EDDM13: variants seen among roughly 807,000 people sequenced by gnomAD.
EDDM13 encodes the protein epididymal protein 13.
Under a neutral mutation model 17.8 loss-of-function variants are expected in EDDM13, and 24 were observed. The observed-to-expected ratio is 1.35, with a 90% CI of 0.98 to 1.90. The LOEUF (loss-of-function observed/expected upper bound fraction) is 1.90, where lower values mean the gene tolerates loss of function less well. Among genes scored for constraint, EDDM13 ranks in the 40% most tolerant of loss-of-function variants. The pLI is 0.00. For missense variants in EDDM13, 97 were observed against 100.8 expected (o/e 0.96, Z 0.16); for synonymous variants, 31 against 37.5 (o/e 0.83, Z 0.63).
chr19:56,288,565 C>T (rs1053680690), intron 7 of EDDM13, among the ~76,000 whole-genome samples, 127 bp downstream of exon 7: 4 of 152,188 alleles, frequency 2.6e-5, no homozygotes, highest in African/African-American at 7.2e-5. Context: ...TCTGTGAGCT[C>T]CCTGAGCAGC....
chr19:56,287,680 T>C (rs1452899893), intron 6 of EDDM13, among the ~76,000 whole-genome samples: 2 of 151,926 alleles, frequency 1.3e-5, no homozygotes, highest in Non-Finnish European at 2.9e-5. Flanking sequence ...GAGGCAGATG[T>C]GGAGGAAGTC....
At chr19:56,302,742 A>G (rs1007955551) in intron 13 of EDDM13, 1 of 388,746 alleles carries the variant, frequency 2.6e-6, no homozygotes, top group Non-Finnish European at 4.5e-6. Flanking sequence ...GACTGGGATA[A>G]AACTTCTCCC....
In EDDM13 at chr19:56,278,770, T is replaced by A. The variant is rs76961772; in HGVS notation, c.103+2661T>A. Among the ~76,000 whole-genome samples, 1,423 of 152,228 alleles carry A rather than the reference T, an allele frequency of 9.3e-3. 58 individuals are homozygous for A. Among genetic ancestry groups the A allele is most frequent in the Admixed American group, 0.072 (1,101 of 15,294 alleles). On this transcript the variant is annotated intron_variant, in intron 2 of 14. Transcript: ENST00000649256. Reference sequence around the variant, plus strand: ...AGTCTGAGGCCAATGGCCTGGGAGCTCAGGGAGCTGTTGGTTCAAGTCCTA... The same window carrying A: ...AGTCTGAGGCCAATGGCCTGGGAGCACAGGGAGCTGTTGGTTCAAGTCCTA...
At chr19:56,282,405 T>C in intron 3 of EDDM13, 86 bp from the exon 4 acceptor site, 1 of 827,078 alleles carries the variant, frequency 1.2e-6, no homozygotes, top group Non-Finnish European at 1.5e-6. Context: ...TTAATTCCTT[T>C]CATATTCTCT....
intron 13 of EDDM13, among the ~76,000 whole-genome samples, chr19:56,303,856 C>A (rs2040504918): frequency 6.6e-6 from 1 of 152,132 alleles, no homozygotes. Context: ...AAGGATCTTG[C>A]CTTCAGAGCA....
At chr19:56,298,480 G>A (rs754503839) in intron 12 of EDDM13, among the ~76,000 whole-genome samples, 4 of 151,664 alleles carry the variant, frequency 2.6e-5, no homozygotes, top group South Asian at 2.1e-4. Context: ...GTGAAACCCC[G>A]TCTCTACTAA....
chr19:56,299,139 A>ATT (rs377736368), intron 12 of EDDM13, among the ~76,000 whole-genome samples: 1 of 149,960 alleles, frequency 6.7e-6, no homozygotes, highest in African/African-American at 2.4e-5. Flanking sequence ...AGCTTACATT[A>ATT]TTTTTTTTTT....
At chr19:56,277,264 T>C (rs2038334647) in intron 2 of EDDM13, among the ~76,000 whole-genome samples, 1 of 152,210 alleles carries the variant, frequency 6.6e-6, no homozygotes. Flanking sequence ...TCCTAAGAGC[T>C]AGCAAGTGAA....
At chr19:56,282,603 C>A in intron 4 of EDDM13, 104 bp downstream of exon 4, 1 of 644,712 alleles carries the variant, frequency 1.6e-6, no homozygotes, top group Non-Finnish European at 1.9e-6. Context: ...CTGGTCTGTT[C>A]ACAGCTTAGC....
In EDDM13 at chr19:56,288,456, C is replaced by T. The variant is rs2039286067; in HGVS notation, c.208+18C>T. ...CCCGCAAGGTTAGCAACCATCACCCCCTTATAGGTTCCCATGGAACCCAGC... is the reference window on the plus strand; with the variant it reads ...CCCGCAAGGTTAGCAACCATCACCCTCTTATAGGTTCCCATGGAACCCAGC... On this transcript the variant is annotated intron_variant, in intron 7 of 14. Transcript: ENST00000649256. Among the ~76,000 whole-genome samples, 1 of 152,206 alleles carries T rather than the reference C, an allele frequency of 6.6e-6. No individual in the cohort carries two copies. The highest frequency in any genetic ancestry group is 2.1e-4 in the South Asian group (1 of 4,832).
chr19:56,284,045 C>A, intron 4 of EDDM13, 153 bp from the exon 5 acceptor site: 1 of 296,350 alleles, frequency 3.4e-6, no homozygotes, highest in Non-Finnish European at 5.0e-6. Context: ...CTTGTGGATT[C>A]TACTTCCCAA....
chr19:56,274,930 G>A (rs766037009), intron 1 of EDDM13: 1 of 152,166 alleles, frequency 6.6e-6, no homozygotes, highest in Non-Finnish European at 1.5e-5. Context: ...GAAGAGCTCT[G>A]ATCAGTTGTT....
At chr19:56,273,592 A>C (rs1401393928) in intron 1 of EDDM13, among the ~76,000 whole-genome samples, 1 of 152,186 alleles carries the variant, frequency 6.6e-6, no homozygotes, top group African/African-American at 2.4e-5. Context: ...CTGAAGAGTT[A>C]GGAGAGACTA....
At chr19:56,279,621 A>T (rs2038532629) in intron 2 of EDDM13, among the ~76,000 whole-genome samples, 1 of 152,198 alleles carries the variant, frequency 6.6e-6, no homozygotes, top group Admixed American at 6.5e-5. Context: ...GACCATCATC[A>T]TGAGAATCAC....
At position 56,282,515 on chromosome 19, in the gene EDDM13, C is replaced by T. The variant is rs1410066637; in HGVS notation, c.118+16C>T. 2.0e-6 allele frequency: 2 copies of T among 985,134 alleles called. No homozygotes were observed. The highest frequency in any genetic ancestry group is 2.4e-6 in the Non-Finnish European group (2 of 829,860). The allele number at this position is 985,134 out of a possible 1,614,324, so 61.0% of individuals were successfully genotyped here. ...GTGCTGAAAGGTAAGCTTCTCATTC[C>T]ATCTCTTTCCCTTTGGGGTCTGTTT... On this transcript the variant is annotated intron_variant, in intron 4 of 14. Coordinates refer to ENST00000649256, the MANE Select transcript of EDDM13 (RefSeq NM_001354658.2).
chr19:56,276,504 C>CTT (rs767095656), intron 2 of EDDM13, among the ~76,000 whole-genome samples: 4 of 97,058 alleles, frequency 4.1e-5, no homozygotes, highest in South Asian at 3.5e-4. Flanking sequence ...ATCTAAAGAG[C>CTT]TCTTTTTTTT....
intron 11 of EDDM13, among the ~76,000 whole-genome samples, chr19:56,296,799 C>T (rs1395379431): frequency 6.6e-6 from 1 of 151,960 alleles, no homozygotes; most frequent in Non-Finnish European, 1.5e-5. Context: ...TTTGGGAGGC[C>T]GACGTGGGTG....
At position 56,301,956 on chromosome 19, in the gene EDDM13, G is replaced by C; in HGVS notation, c.296-12G>C. On this transcript the variant is annotated splice_polypyrimidine_tract_variant and intron_variant, in intron 12 of 14. Transcript: ENST00000649256. ...GGCCATCAGCATCAATCATCTCCAC[G>C]GTTCTCTCCAGTTAAACCCTTCTCA... 1 of 1,231,990 alleles carries C rather than the reference G, an allele frequency of 8.1e-7. No homozygotes were observed. The highest frequency in any genetic ancestry group is 1.0e-6 in the Non-Finnish European group (1 of 988,194). 76.3% of individuals were successfully genotyped at this position (1,231,990 alleles called of 1,614,324 possible).
chr19:56,304,558 T>C (rs1204698902), intron 13 of EDDM13, among the ~76,000 whole-genome samples: 1 of 152,134 alleles, frequency 6.6e-6, no homozygotes, highest in Non-Finnish European at 1.5e-5. Context: ...GGGATTGTGC[T>C]GCTTATGGGG....
Sources: gnomAD v4.1 joint callset for allele counts (sites outside exome capture counted in the v4.1 genomes callset) on GRCh38, gnomAD v4.1.1 for gene constraint, MANE v1.5 for transcripts, NCBI Gene and HGNC (gene_info 2026-07-23, HGNC 2026-07-21) for gene names.